HEXA: variants seen among roughly 807,000 people sequenced by gnomAD.
HEXA encodes hexosaminidase subunit alpha, also known as beta-hexosaminidase subunit alpha.
In HEXA, 54 loss-of-function variants were observed where a neutral mutation model predicts 73.3. The ratio of observed to expected loss-of-function variants is 0.74; its 90% CI spans 0.59 to 0.92. The LOEUF is 0.92. Ranked by LOEUF, HEXA falls within the 40% of genes least tolerant of loss-of-function variation. The pLI, the probability that HEXA is intolerant of heterozygous loss-of-function variation, is 0.00. For missense variants in HEXA, 649 were observed against 653.0 expected (o/e 0.99, Z 0.07); for synonymous variants, 230 against 246.9 (o/e 0.93, Z 0.64).
intron 5 of HEXA, among the ~76,000 whole-genome samples, chr15:72,351,980 AGACAGG>A (rs1386561701): frequency 2.6e-5 from 4 of 151,348 alleles, no homozygotes. Flanking sequence ...TTTATTTTTG[AGACAGG>A]GTCTCTGTTG....
At chr15:72,347,804 G>A (rs1194321324) in intron 9 of HEXA, 46 bp from the exon 10 acceptor site, 2 of 1,562,164 alleles carry the variant, frequency 1.3e-6, no homozygotes, top group Admixed American at 3.3e-5. Context: ...TAGCTCAGAT[G>A]GGTTCTAGAC....
chr15:72,352,836 G>A (rs746671254), intron 5 of HEXA, among the ~76,000 whole-genome samples: 3 of 152,040 alleles, frequency 2.0e-5, no homozygotes, highest in Admixed American at 6.6e-5. Flanking sequence ...GCTAATTTTT[G>A]TATTTTTAGT....
At chr15:72,365,239 G>A (rs545603940) in intron 1 of HEXA, among the ~76,000 whole-genome samples, 3 of 152,192 alleles carry the variant, frequency 2.0e-5, no homozygotes, top group East Asian at 1.9e-4. Flanking sequence ...ACAGGCGCAC[G>A]CCACCGTGCC....
At chr15:72,367,819 A>G (rs967256825) in intron 1 of HEXA, among the ~76,000 whole-genome samples, 4 of 152,184 alleles carry the variant, frequency 2.6e-5, no homozygotes, top group East Asian at 1.9e-4. Context: ...TATGCGGAAT[A>G]CTATCTTCAC....
intron 1 of HEXA, among the ~76,000 whole-genome samples, chr15:72,366,306 A>G (rs1333318036): frequency 1.4e-5 from 2 of 147,860 alleles, no homozygotes; most frequent in African/African-American, 2.5e-5. Flanking sequence ...TTCTTTATTC[A>G]CTTAATTTTT....
At chr15:72,348,969 C>T (rs2088658714) in intron 8 of HEXA, 110 bp downstream of exon 8, 2 of 874,830 alleles carry the variant, frequency 2.3e-6, no homozygotes, top group Non-Finnish European at 3.9e-6. Context: ...AATGTGAGCC[C>T]ATACAGACCC....
intron 5 of HEXA, among the ~76,000 whole-genome samples, chr15:72,351,952 C>G (rs1037628298): frequency 1.3e-5 from 2 of 150,346 alleles, no homozygotes; most frequent in East Asian, 3.9e-4. Flanking sequence ...TTCCTTCCTT[C>G]ACTTATTTAT....
At chr15:72,350,280 C>G in intron 7 of HEXA, 2 of 528,946 alleles carry the variant, frequency 3.8e-6, no homozygotes, top group Non-Finnish European at 6.9e-6. Context: ...CTACCTGCAA[C>G]GGCATCTGAG....
At chr15:72,344,244 C>T in intron 13 of HEXA, 104 bp from the exon 14 acceptor site, 1 of 787,834 alleles carries the variant, frequency 1.3e-6, no homozygotes, top group South Asian at 1.4e-5. Flanking sequence ...TTCGGTGACT[C>T]TCAAACTGTC....
In HEXA at chr15:72,375,962, G is replaced by C. The variant is rs762634101; in HGVS notation, c.11C>G (p.Ser4Cys). The C allele has an allele frequency of 6.2e-7, 1 of 1,613,830 alleles. No individual in the cohort carries two copies. The highest frequency in any genetic ancestry group is 8.5e-7 in the Non-Finnish European group (1 of 1,180,012). The stretch of plus-strand genomic sequence containing the variant: ...CAGCAGCAGCGAAAACCAAAGCCTG[G>C]AGCTTGTCATGGCCCGCTGGTCTCC... The part of the protein sequence containing the change: MTS[S>C]RLWFSLLLAA... Residue 4 changes from serine (S) to cysteine (C), a missense_variant, in exon 1 of 14, where the codon TCC becomes TGC. Transcript: ENST00000268097.
chr15:72,356,586 C>G lies in HEXA; in HGVS notation c.285G>C (p.Leu95Phe), dbSNP rs765667778. The G allele has an allele frequency of 1.9e-5, 31 of 1,613,966 alleles. No individual in the cohort carries two copies. The highest frequency in any genetic ancestry group is 2.7e-5 in the African/African-American group (2 of 74,920). Residue 95 changes from leucine to phenylalanine, a missense_variant, in exon 2 of 14, where the codon TTG (leucine) becomes TTC (phenylalanine). Coordinates refer to ENST00000268097, the MANE Select transcript of HEXA (RefSeq NM_000520.6). ...GKRHTLEKNV[L>F]VVSVVTPGCN... ...ATCCAGGTGTGACTACAGAGACAAC[C>G]AACACATTCTTCTCCAGTGTATGCC...
chr15:72,348,723 T>C (rs2088654715), intron 8 of HEXA, among the ~76,000 whole-genome samples: 3 of 152,266 alleles, frequency 2.0e-5, no homozygotes, highest in African/African-American at 7.2e-5. Context: ...CATTGTCACC[T>C]ATTAGTCTTG....
intron 1 of HEXA, among the ~76,000 whole-genome samples, chr15:72,363,639 C>T (rs568121371): frequency 1.3e-5 from 2 of 152,278 alleles, no homozygotes; most frequent in South Asian, 4.1e-4. Context: ...CAAGATTCTT[C>T]ACCCTCCACA....
intron 4 of HEXA, 133 bp from the exon 5 acceptor site, chr15:72,353,311 A>G (rs764627152): frequency 1.1e-5 from 8 of 708,190 alleles, no homozygotes; most frequent in Non-Finnish European, 2.1e-5. Context: ...TCTCTCCCTA[A>G]ATGCTCCCCA....
At chr15:72,370,698 A>AAAAAAAAAAAAG (rs1215626474) in intron 1 of HEXA, 2,315 of 198,906 alleles carry the variant, frequency 0.012, 1 homozygote, top group Non-Finnish European at 0.013. Context: ...CCTGTTTCTT[A>AAAAAAAAAAAAG]AAAAAAAAAA....
intron 12 of HEXA, 95 bp downstream of exon 12, chr15:72,346,140 G>A: frequency 1.2e-6 from 1 of 847,268 alleles, no homozygotes; most frequent in South Asian, 1.4e-5. Context: ...TGAAAGAAGG[G>A]TACTAGTCCA....
chr15:72,351,265 T>C (rs367731228), intron 5 of HEXA, 31 bp from the exon 6 acceptor site: 2 of 1,402,100 alleles, frequency 1.4e-6, no homozygotes, highest in Non-Finnish European at 2.0e-6. Flanking sequence ...TGTGAACCCA[T>C]CACAGTCTCT....
At chr15:72,346,115 G>T in intron 12 of HEXA, 120 bp downstream of exon 12, 1 of 740,170 alleles carries the variant, frequency 1.4e-6, no homozygotes, top group Non-Finnish European at 2.4e-6. Context: ...TGCACGGCCT[G>T]CTCTCTCTCA....
At chr15:72,372,192 A>C (rs2089002929) in intron 1 of HEXA, among the ~76,000 whole-genome samples, 1 of 152,014 alleles carries the variant, frequency 6.6e-6, no homozygotes, top group Admixed American at 6.6e-5. Context: ...CTACTAAAAA[A>C]TAAAAAATTA....
Sources: gnomAD v4.1 joint callset for allele counts (sites outside exome capture counted in the v4.1 genomes callset) on GRCh38, gnomAD v4.1.1 for gene constraint, MANE v1.5 for transcripts, NCBI Gene and HGNC (gene_info 2026-07-23, HGNC 2026-07-21) for gene names.